SDK2: variants seen among roughly 807,000 people sequenced by gnomAD.
The protein encoded by SDK2 is protein sidekick-2.
SDK2 carries 105 observed loss-of-function variants against 253.9 expected under a neutral mutation model. The ratio of observed to expected loss-of-function variants is 0.41; its 90% confidence interval spans 0.35 to 0.49. SDK2 has a LOEUF of 0.49. SDK2 is among the 20% of genes least tolerant of loss of function. SDK2 has a pLI of 0.06. For missense variants in SDK2, 2,608 were observed against 3,003.0 expected (o/e 0.87, Z 3.07); for synonymous variants, 1,249 against 1,234.9 (o/e 1.01, Z -0.24).
chr17:73,637,820 TC>T (rs1371011420), intron 1 of SDK2, among the ~76,000 whole-genome samples: 3 of 152,204 alleles, frequency 2.0e-5, no homozygotes, highest in Non-Finnish European at 4.4e-5. Flanking sequence ...TTCCTTCACA[TC>T]ATAAAGTTGG....
chr17:73,606,153 T>C (rs2045904275), intron 1 of SDK2, among the ~76,000 whole-genome samples: 1 of 152,184 alleles, frequency 6.6e-6, no homozygotes, highest in African/African-American at 2.4e-5. Flanking sequence ...TTGTTGCTTA[T>C]TATTACTTTT....
rs1437234506 is a variant in SDK2 at position 73,423,935 on chromosome 17, T to C, written c.1741A>G (p.Ser581Gly). The C allele has an allele frequency of 6.3e-7, 1 of 1,589,458 alleles. No individual in the cohort carries two copies. Among genetic ancestry groups the C allele is most frequent in the Non-Finnish European group, 8.6e-7 (1 of 1,168,290 alleles). ...VISAGGNDSR[S>G]AHLRVRQLPH... ...CCTTACCTGACTCGCAGGTGGGCAC[T>C]GCGAGAGTCGTTGCCTCCTGCTGAG... The change falls in exon 13 of 45, where the codon AGT (serine) becomes GGT (glycine). Residue 581 changes from serine (S) to glycine (G), a missense_variant. By Grantham distance (56) the Ser-to-Gly change is moderately conservative. Transcript: ENST00000392650.
Position 73,424,069 on chromosome 17 carries a change from G to A in SDK2, c.1607C>T (p.Ala536Val), listed in dbSNP as rs753841974. The change falls in exon 13 of 45, where the codon GCC becomes GTC. Residue 536 changes from alanine to valine, a missense_variant. This residue lies in a region of SDK2 where 1,505 missense variants were observed against 1,859.1 expected (regional missense o/e 0.81). Coordinates refer to ENST00000392650, the MANE Select transcript of SDK2 (RefSeq NM_001144952.2). Reference sequence around the variant, plus strand: ...AGGATGGCTCTCCGTGCCCAGGGTGGCCCCGTCCTTCTCCCAGATGTACCT... The same window carrying A: ...AGGATGGCTCTCCGTGCCCAGGGTGACCCCGTCCTTCTCCCAGATGTACCT... The part of the protein sequence containing the change: ...TIRYIWEKDG[A>V]TLGTESHPRI... 1.2e-6 allele frequency: 2 copies of A among 1,612,548 alleles called. No individual in the cohort carries two copies. Among genetic ancestry groups the A allele is most frequent in the Admixed American group, 3.3e-5 (2 of 59,950 alleles).
At chr17:73,613,605 C>T (rs1567873732) in intron 1 of SDK2, among the ~76,000 whole-genome samples, 2 of 147,648 alleles carry the variant, frequency 1.4e-5, no homozygotes, top group South Asian at 4.4e-4. Flanking sequence ...ACCCCCACCC[C>T]CAGCCCCCTC....
At chr17:73,597,772 A>C (rs1452011901) in intron 1 of SDK2, among the ~76,000 whole-genome samples, 1 of 151,710 alleles carries the variant, frequency 6.6e-6, no homozygotes, top group African/African-American at 2.4e-5. Flanking sequence ...CAGCCTCCCA[A>C]GTAGCTGAGA....
At position 73,481,741 on chromosome 17, in the gene SDK2, T is replaced by C. The variant is rs1236693629; in HGVS notation, c.225-9523A>G. On this transcript the variant is annotated intron_variant, in intron 2 of 44. Coordinates refer to ENST00000392650, the MANE Select transcript of SDK2 (RefSeq NM_001144952.2). This position sits in a 1 kb window ranked among gnomAD's most constrained non-coding sequence, Gnocchi z 4.5. ...TCCTGCCCTTGGACGCTGGGGCTCC[T>C]GGTTCCCGGCCTGCAGACTCTAGGA... Among the ~76,000 whole-genome samples the C allele has an allele frequency of 6.6e-6, 1 of 152,124 alleles. No homozygotes were observed. Among genetic ancestry groups the C allele is most frequent in the African/African-American group, 2.4e-5 (1 of 41,430 alleles).
intron 40 of SDK2, among the ~76,000 whole-genome samples, chr17:73,355,083 C>T (rs561550153): frequency 1.5e-4 from 22 of 148,832 alleles, no homozygotes; most frequent in African/African-American, 5.0e-4. Flanking sequence ...GCTGTCCTTG[C>T]AGAAGGCTCC....
At chr17:73,401,283 T>G in intron 20 of SDK2, 72 bp from the exon 21 acceptor site, 2 of 1,352,136 alleles carry the variant, frequency 1.5e-6, no homozygotes, top group Non-Finnish European at 2.0e-6. Flanking sequence ...ACTCCACTTC[T>G]CACTTCTCCA....
rs370704716 is a variant in SDK2 at position 73,431,954 on chromosome 17, A to G, written c.1313-285T>C. On this transcript the variant is annotated intron_variant, in intron 10 of 44. Coordinates refer to ENST00000392650, the MANE Select transcript of SDK2 (RefSeq NM_001144952.2). The surrounding 1 kb of genome is among the most constrained non-coding windows in gnomAD (Gnocchi z 5.6). ...CACACCACGTGCCCTTCAACAGAGA[A>G]GGGGGCGCAGTTTCCTGATGACGGT... Among the ~76,000 whole-genome samples the G allele has an allele frequency of 2.6e-5, 4 of 152,212 alleles. No homozygotes were observed. In the East Asian group the frequency reaches 5.8e-4, roughly 22 times the overall value.
chr17:73,427,408 G>C (rs2063291847), intron 12 of SDK2, among the ~76,000 whole-genome samples: 6 of 152,120 alleles, frequency 3.9e-5, no homozygotes, highest in Admixed American at 3.9e-4. Flanking sequence ...CTTAGTGCCT[G>C]TTTACATATG....
intron 5 of SDK2, among the ~76,000 whole-genome samples, chr17:73,442,494 C>A (rs2063423427): frequency 6.6e-6 from 1 of 152,200 alleles, no homozygotes; most frequent in African/African-American, 2.4e-5. Flanking sequence ...GGTGCCACCA[C>A]CACGTCCGGC....
intron 2 of SDK2, among the ~76,000 whole-genome samples, chr17:73,476,294 C>T (rs1184328465): frequency 1.3e-5 from 2 of 152,184 alleles, no homozygotes; most frequent in Non-Finnish European, 1.5e-5. Context: ...CTTATAACCA[C>T]ACAAACACAC....
intron 1 of SDK2, among the ~76,000 whole-genome samples, chr17:73,614,979 TAAAA>T (rs57411997): frequency 5.8e-5 from 8 of 137,328 alleles, no homozygotes; most frequent in East Asian, 2.1e-4. Flanking sequence ...GAATAGAAGA[TAAAA>T]AAAAAAAAAA....
rs2046063939 is a variant in SDK2, at chr17:73,616,814, G to C, written c.64+27211C>G. ...TGCGCATTCCCACCATGAGATGCCT[G>C]GGGAAGGGGTCAGATTCCAGGGCTC... On this transcript the variant is annotated intron_variant, in intron 1 of 44. Transcript: ENST00000392650. The surrounding 1 kb of genome is among the most constrained non-coding windows in gnomAD (Gnocchi z 5.2). Among the ~76,000 whole-genome samples, 1 of 152,166 alleles carries C rather than the reference G, an allele frequency of 6.6e-6. No homozygotes were observed. Among genetic ancestry groups the C allele is most frequent in the Non-Finnish European group, 1.5e-5 (1 of 68,034 alleles).
intron 36 of SDK2, among the ~76,000 whole-genome samples, chr17:73,370,887 AC>A (rs1375428069): frequency 1.3e-5 from 2 of 151,802 alleles, no homozygotes; most frequent in Admixed American, 1.3e-4. Flanking sequence ...ACATGGCAAG[AC>A]CCCTGTCTCT....
At chr17:73,588,273 G>A (rs2045631855) in intron 1 of SDK2, among the ~76,000 whole-genome samples, 1 of 148,320 alleles carries the variant, frequency 6.7e-6, no homozygotes, top group Non-Finnish European at 1.5e-5. Flanking sequence ...TATAATCTCA[G>A]CTACTCGGGA....
Position 73,443,596 on chromosome 17 carries a change from G to A in SDK2, c.614-2673C>T, listed in dbSNP as rs969285600. ...CTGCCCCAGGGCTCAGGGCTGGCTC[G>A]TTGGCTCTGGAAGGAATGGAGGAGA... On this transcript the variant is annotated intron_variant, in intron 5 of 44. Coordinates refer to ENST00000392650, the MANE Select transcript of SDK2 (RefSeq NM_001144952.2). The surrounding 1 kb of genome is among the most constrained non-coding windows in gnomAD (Gnocchi z 4.6). Among the ~76,000 whole-genome samples, 5 of 152,192 alleles carry A rather than the reference G, an allele frequency of 3.3e-5. No homozygotes were observed. Among genetic ancestry groups the A allele is most frequent in the African/African-American group, 1.2e-4 (5 of 41,452 alleles).
intron 36 of SDK2, among the ~76,000 whole-genome samples, chr17:73,376,235 C>G (rs992306139): frequency 1.4e-5 from 2 of 147,484 alleles, no homozygotes; most frequent in African/African-American, 5.1e-5. Context: ...GGACCTGGCT[C>G]TCCCCTAACC....
At chr17:73,451,604 C>T (rs778473868) in intron 4 of SDK2, among the ~76,000 whole-genome samples, 15 of 152,176 alleles carry the variant, frequency 9.9e-5, no homozygotes, top group Non-Finnish European at 1.9e-4. Flanking sequence ...TTAACTAGTG[C>T]CTGGAGGGAA....
Sources: gnomAD v4.1 joint callset for allele counts (sites outside exome capture counted in the v4.1 genomes callset) on GRCh38, gnomAD v4.1.1 for gene constraint, gnomAD v4.1.1 regional missense constraint, Gnocchi (gnomAD v3.1) non-coding constraint, MANE v1.5 for transcripts, NCBI Gene and HGNC (gene_info 2026-07-23, HGNC 2026-07-21) for gene names.